AGBL4: variants seen among roughly 807,000 people sequenced by gnomAD.
The protein encoded by AGBL4 is AGBL carboxypeptidase 4.
AGBL4 carries 58 observed loss-of-function variants against 66.4 expected under a neutral mutation model. The ratio of observed to expected loss-of-function variants is 0.87; its 90% CI spans 0.71 to 1.09. The LOEUF is 1.09. Among genes scored for constraint, AGBL4 ranks in the 50% least tolerant of loss-of-function variants. AGBL4 has a pLI of 0.00. For synonymous variants in AGBL4, 234 were observed against 222.9 expected, an observed-to-expected ratio of 1.05 and a Z score of -0.44; for missense variants, 579 against 631.0, an observed-to-expected ratio of 0.92 and a Z score of 0.88.
intron 3 of AGBL4, among the ~76,000 whole-genome samples, chr1:49,256,306 A>G (rs1311840483): frequency 2.6e-5 from 4 of 152,206 alleles, no homozygotes; most frequent in Non-Finnish European, 4.4e-5. Flanking sequence ...CAGTTGTAAT[A>G]TATCAATTAA....
intron 3 of AGBL4, among the ~76,000 whole-genome samples, chr1:49,642,151 A>G (rs1645793984): frequency 6.6e-6 from 1 of 152,060 alleles, no homozygotes; most frequent in South Asian, 2.1e-4. Flanking sequence ...TACTTCTTAA[A>G]GGAAAAAAAG....
intron 1 of AGBL4, among the ~76,000 whole-genome samples, chr1:49,952,519 G>A (rs1024159870): frequency 6.6e-6 from 1 of 151,854 alleles, no homozygotes; most frequent in Non-Finnish European, 1.5e-5. Flanking sequence ...TTATCTCTGT[G>A]ATAAAATTCT....
intron 2 of AGBL4, among the ~76,000 whole-genome samples, chr1:49,826,167 T>C (rs1645505019): frequency 1.3e-5 from 2 of 152,088 alleles, no homozygotes; most frequent in Admixed American, 6.5e-5. Context: ...GGAAAAATTA[T>C]AAAAATTAAT....
At chr1:49,879,334 G>A (rs1394366615) in intron 1 of AGBL4, among the ~76,000 whole-genome samples, 1 of 150,504 alleles carries the variant, frequency 6.6e-6, no homozygotes, top group Non-Finnish European at 1.5e-5. Flanking sequence ...CTTCCTTCAG[G>A]AGCTCTTTTA....
intron 2 of AGBL4, among the ~76,000 whole-genome samples, chr1:49,813,659 T>C (rs1645161950): frequency 6.6e-6 from 1 of 152,144 alleles, no homozygotes; most frequent in Admixed American, 6.6e-5. Context: ...AAGTACTCAA[T>C]AAAACAAACA....
intron 1 of AGBL4, among the ~76,000 whole-genome samples, chr1:50,016,747 T>C (rs1303464471): frequency 6.6e-6 from 1 of 152,014 alleles, no homozygotes; most frequent in Non-Finnish European, 1.5e-5. Flanking sequence ...TGAAATACCA[T>C]TTCACACCAG....
chr1:48,727,775 T>A, intron 6 of AGBL4: 2 of 1,049,840 alleles, frequency 1.9e-6, no homozygotes, highest in Non-Finnish European at 2.8e-6. Context: ...ACCCGATGGA[T>A]CCCTGCACAC....
At chr1:48,637,872 C>A in intron 8 of AGBL4, among the ~76,000 whole-genome samples, 1 of 152,234 alleles carries the variant, frequency 6.6e-6, no homozygotes, top group East Asian at 1.9e-4. Flanking sequence ...ATATTGTCCA[C>A]TTCCCAATGA....
intron 11 of AGBL4, among the ~76,000 whole-genome samples, chr1:48,543,166 G>A (rs144873925): frequency 5.1e-4 from 77 of 152,174 alleles, no homozygotes; most frequent in African/African-American, 1.8e-3. Flanking sequence ...TAAGTGGTAG[G>A]TTACCTTCCA....
intron 3 of AGBL4, among the ~76,000 whole-genome samples, chr1:49,323,738 C>T (rs1241631499): frequency 6.6e-6 from 1 of 150,724 alleles, no homozygotes; most frequent in Non-Finnish European, 1.5e-5. Flanking sequence ...CACTGCACTC[C>T]AGCCTGGGTG....
chr1:49,767,525 A>G (rs756527489), intron 2 of AGBL4, among the ~76,000 whole-genome samples: 11 of 152,156 alleles, frequency 7.2e-5, no homozygotes, highest in Non-Finnish European at 1.3e-4. Context: ...ACAAATGAAC[A>G]ATCTAACATT....
intron 3 of AGBL4, among the ~76,000 whole-genome samples, chr1:49,640,612 A>G (rs1175032934): frequency 6.6e-6 from 1 of 152,170 alleles, no homozygotes; most frequent in Non-Finnish European, 1.5e-5. Context: ...TGCGCTAGCA[A>G]AGGATAATAC....
At chr1:48,877,007 G>A (rs1280694121) in intron 5 of AGBL4, among the ~76,000 whole-genome samples, 5 of 152,148 alleles carry the variant, frequency 3.3e-5, no homozygotes, top group Admixed American at 1.3e-4. Context: ...GGATGTCAGA[G>A]CAAGGGTCTT....
intron 3 of AGBL4, among the ~76,000 whole-genome samples, chr1:49,423,613 C>T (rs1645592590): frequency 6.6e-6 from 1 of 151,936 alleles, no homozygotes; most frequent in African/African-American, 2.4e-5. Context: ...AGTTTAAGAC[C>T]AGCCTCGCCA....
At chr1:49,817,364 A>G (rs1002585900) in intron 2 of AGBL4, among the ~76,000 whole-genome samples, 4 of 152,290 alleles carry the variant, frequency 2.6e-5, no homozygotes, top group African/African-American at 9.6e-5. Context: ...ATTGCCTAAT[A>G]AGTTTCCAGC....
chr1:48,634,450 C>T, intron 9 of AGBL4, 43 bp downstream of exon 9: 1 of 1,485,942 alleles, frequency 6.7e-7, no homozygotes. Flanking sequence ...TTTCCCAGAT[C>T]AAGCCATAGA....
intron 3 of AGBL4, among the ~76,000 whole-genome samples, chr1:49,470,573 G>A (rs1192918178): frequency 6.6e-6 from 1 of 151,938 alleles, no homozygotes; most frequent in African/African-American, 2.4e-5. Flanking sequence ...CCAAATTGAG[G>A]ACTAGCTAAA....
At chr1:49,758,497 G>T (rs544487859) in intron 2 of AGBL4, among the ~76,000 whole-genome samples, 27 of 152,142 alleles carry the variant, frequency 1.8e-4, no homozygotes, top group African/African-American at 5.5e-4. Flanking sequence ...GAACTGCCCA[G>T]GGTCATGGGA....
At chr1:48,856,307 T>A (rs1369177700) in intron 6 of AGBL4, among the ~76,000 whole-genome samples, 2 of 152,194 alleles carry the variant, frequency 1.3e-5, no homozygotes, top group Non-Finnish European at 1.5e-5. Context: ...AAACTTACTG[T>A]GATTGCAATT....
Sources: gnomAD v4.1 joint callset for allele counts (sites outside exome capture counted in the v4.1 genomes callset) on GRCh38, gnomAD v4.1.1 for gene constraint, MANE v1.5 for transcripts, NCBI Gene and HGNC (gene_info 2026-07-23, HGNC 2026-07-21) for gene names.